Variants in TTC22 observed in about 807,000 individuals in gnomAD.
TTC22 encodes tetratricopeptide repeat domain 22, also known as tetratricopeptide repeat protein 22.
TTC22 carries 42 observed loss-of-function variants against 48.2 expected under a neutral mutation model. The observed-to-expected ratio is 0.87, with a 90% confidence interval of 0.68 to 1.13. TTC22 has a LOEUF of 1.13. TTC22 is among the 50% of genes most tolerant of loss of function. The pLI, the probability that TTC22 is intolerant of heterozygous loss-of-function variation, is 0.00. For synonymous variants in TTC22, 345 were observed against 365.5 expected (o/e 0.94, Z 0.64); for missense variants, 784 against 807.0 (o/e 0.97, Z 0.34).
At chr1:54,794,449 A>AC (rs1432528734) in intron 1 of TTC22, among the ~76,000 whole-genome samples, 1 of 152,180 alleles carries the variant, frequency 6.6e-6, no homozygotes, top group Non-Finnish European at 1.5e-5. Flanking sequence ...ATCTTTCACT[A>AC]CCCCAATGAC....
At position 54,800,587 on chromosome 1, in the gene TTC22, G is replaced by C. The variant is rs746047509; in HGVS notation, c.567+10C>G. The C allele has an allele frequency of 1.7e-5, 25 of 1,494,914 alleles. No homozygotes were observed. In the South Asian group the frequency reaches 2.8e-4, roughly 16 times the overall value. 92.6% of individuals were successfully genotyped at this position (1,494,914 alleles called of 1,614,324 possible). A position where few individuals can be genotyped will look rare whatever the true frequency, so the allele number is the denominator to read the frequency against. On this transcript the variant is annotated intron_variant, in intron 1 of 6. Coordinates refer to ENST00000371276, the MANE Select transcript of TTC22 (RefSeq NM_001114108.2). ...TCCCAGAGGGAGGTAGGGAGACAGGGGTCACCTACCTGCTGCCCGTAGCCT... is the reference window on the plus strand; with the variant it reads ...TCCCAGAGGGAGGTAGGGAGACAGGCGTCACCTACCTGCTGCCCGTAGCCT...
chr1:54,795,608 C>T (rs899251831), intron 1 of TTC22, among the ~76,000 whole-genome samples: 1 of 152,212 alleles, frequency 6.6e-6, no homozygotes, highest in Non-Finnish European at 1.5e-5. Flanking sequence ...CTCTTACCCT[C>T]TGCAGTAACA....
intron 1 of TTC22, among the ~76,000 whole-genome samples, chr1:54,790,518 TC>T (rs1646341594): frequency 6.6e-6 from 1 of 152,166 alleles, no homozygotes; most frequent in African/African-American, 2.4e-5. Context: ...AATAGGACTG[TC>T]TGGAGGGGAG....
At chr1:54,783,813 A>G (rs1646280673) in intron 5 of TTC22, among the ~76,000 whole-genome samples, 1 of 152,194 alleles carries the variant, frequency 6.6e-6, no homozygotes, top group Non-Finnish European at 1.5e-5. Flanking sequence ...CAACATAGGC[A>G]GAACCCTGTA....
Position 54,800,746 on chromosome 1 carries a change from C to A in TTC22, c.418G>T (p.Gly140Trp), listed in dbSNP as rs1275085183. Residue 140 changes from glycine (G) to tryptophan (W), a missense_variant, in exon 1 of 7, where the codon GGG (glycine) becomes TGG (tryptophan). By Grantham distance (184) the Gly-to-Trp change is radical (BLOSUM62 -2). Transcript: ENST00000371276. ...CGAGCGGCGCGGAGCTGGGGGTCCC[C>A]GGCGGCCTCGGGCTCCTCTGCCAGG... is the stretch of plus-strand genomic sequence containing the variant. ...MGLAEEPEAA[G>W]DPQLRAARCL... 19 of 1,545,416 alleles carry A rather than the reference C, an allele frequency of 1.2e-5. No individual in the cohort carries two copies. Among genetic ancestry groups the A allele is most frequent in the Non-Finnish European group, 8.7e-7 (1 of 1,149,466 alleles).
chr1:54,799,661 G>C (rs1646418367), intron 1 of TTC22, among the ~76,000 whole-genome samples: 1 of 152,166 alleles, frequency 6.6e-6, no homozygotes, highest in African/African-American at 2.4e-5. Context: ...CACAGGCTCA[G>C]GACTGAAACA....
At position 54,781,093 on chromosome 1, in the gene TTC22, C is replaced by T; in HGVS notation, c.*150G>A. 3.7e-6 allele frequency: 2 copies of T among 538,800 alleles called. No individual in the cohort carries two copies. Among genetic ancestry groups the T allele is most frequent in the Non-Finnish European group, 5.9e-6 (2 of 338,246 alleles). 33.4% of individuals were successfully genotyped at this position (538,800 alleles called of 1,614,324 possible). On this transcript the variant is annotated 3_prime_UTR_variant, in exon 7 of 7. Transcript: ENST00000371276. ...GGCGTTTCAAACCGCGCGGGTGTCG[C>T]AACATCCCCATTCACAATTCCCGAC...
Position 54,786,157 on chromosome 1 carries a change from G to A in TTC22, c.859-13C>T. On this transcript the variant is annotated splice_polypyrimidine_tract_variant and intron_variant, in intron 4 of 6. Coordinates refer to ENST00000371276, the MANE Select transcript of TTC22 (RefSeq NM_001114108.2). ...CAATCTCAATGGCCTAGGTAAGGGAGGAGTGCAAAAACAAACCACTTGCTT... is the reference window on the plus strand; with the variant it reads ...CAATCTCAATGGCCTAGGTAAGGGAAGAGTGCAAAAACAAACCACTTGCTT... The A allele has an allele frequency of 6.2e-7, 1 of 1,612,918 alleles. No individual in the cohort carries two copies. The highest frequency in any genetic ancestry group is 8.5e-7 in the Non-Finnish European group (1 of 1,179,318).
At chr1:54,785,825 A>C (rs1646295823) in intron 5 of TTC22, among the ~76,000 whole-genome samples, 158 bp downstream of exon 5, 1 of 152,160 alleles carries the variant, frequency 6.6e-6, no homozygotes, top group Non-Finnish European at 1.5e-5. Flanking sequence ...ACAAACAAAA[A>C]ACTTTATAGA....
chr1:54,796,199 C>T (rs937940145), intron 1 of TTC22, among the ~76,000 whole-genome samples: 1 of 152,258 alleles, frequency 6.6e-6, no homozygotes, highest in African/African-American at 2.4e-5. Context: ...TGCGCGTGCG[C>T]ACGTGTGGAC....
chr1:54,784,034 A>G lies in TTC22; in HGVS notation c.1021-1557T>C, dbSNP rs1010623645. On this transcript the variant is annotated intron_variant, in intron 5 of 6. Transcript: ENST00000371276. ...ATTTTAAAAATAAATTAATTAACAAATTAAATGTTGGCATGGCTTTGATAT... is the reference window on the plus strand; with the variant it reads ...ATTTTAAAAATAAATTAATTAACAAGTTAAATGTTGGCATGGCTTTGATAT... Among the ~76,000 whole-genome samples, 7 of 152,308 alleles carry G rather than the reference A, an allele frequency of 4.6e-5. No individual in the cohort carries two copies. In the East Asian group the frequency reaches 1.3e-3, roughly 29 times the overall value.
At chr1:54,789,275 G>C (rs914687805) in intron 1 of TTC22, among the ~76,000 whole-genome samples, 4 of 152,210 alleles carry the variant, frequency 2.6e-5, no homozygotes, top group Admixed American at 1.3e-4. Flanking sequence ...GGATGGGCAG[G>C]CCACTCCCAG....
Position 54,800,954 on chromosome 1 carries a change from G to T in TTC22, c.210C>A (p.His70Gln). 6.2e-7 allele frequency: 1 copy of T among 1,606,078 alleles called. No individual in the cohort carries two copies. ...AAAPQRPAVR[H>Q]LLGAFAFYLE... ...GGTAGAATGCGAAAGCGCCCAGGAGGTGACGCACAGCGGGGCGCTGCGGGG... is the reference window on the plus strand; with the variant it reads ...GGTAGAATGCGAAAGCGCCCAGGAGTTGACGCACAGCGGGGCGCTGCGGGG... The change falls in exon 1 of 7, where the codon CAC (histidine) becomes CAA (glutamine). Residue 70 changes from histidine (H) to glutamine (Q), a missense_variant. By Grantham distance (24) the His-to-Gln change is conservative (BLOSUM62 0). Coordinates refer to ENST00000371276, the MANE Select transcript of TTC22 (RefSeq NM_001114108.2).
intron 1 of TTC22, among the ~76,000 whole-genome samples, chr1:54,792,561 G>A (rs1032465631): frequency 6.6e-6 from 1 of 152,138 alleles, no homozygotes; most frequent in Non-Finnish European, 1.5e-5. Context: ...AGCCTCCCGA[G>A]TAGCTGGGAT....
rs1379362209 is a variant in TTC22, at chr1:54,781,761, C to T, written c.1192G>A (p.Val398Met). 1.3e-6 allele frequency: 2 copies of T among 1,482,554 alleles called. No homozygotes were observed. Among genetic ancestry groups the T allele is most frequent in the Non-Finnish European group, 1.8e-6 (2 of 1,119,898 alleles). 91.8% of individuals were successfully genotyped at this position (1,482,554 alleles called of 1,614,324 possible). A position where few individuals can be genotyped will look rare whatever the true frequency, so the allele number is the denominator to read the frequency against. Residue 398 changes from valine (V) to methionine (M), a missense_variant, in exon 7 of 7, where the codon GTG becomes ATG. Val to Met is a conservative substitution (Grantham distance 21). Transcript: ENST00000371276. ...GCCAGCAGCTCCTGCACCGCGTCCA[C>T]GCCCATATAGTAGTAGACCTGGGGT... Reference protein sequence around the residue: ...DIGQVYYYMGVDAVQELLAVD... With the variant: ...DIGQVYYYMGMDAVQELLAVD...
intron 5 of TTC22, among the ~76,000 whole-genome samples, chr1:54,782,968 C>T (rs1646274790): frequency 1.3e-5 from 2 of 152,096 alleles, no homozygotes; most frequent in African/African-American, 2.4e-5. Context: ...ATGGCAGCAC[C>T]GATTTTGTGA....
In TTC22 at chr1:54,781,363, C is replaced by A; in HGVS notation, c.1590G>T (p.Gly530=). 7.2e-7 allele frequency: 1 copy of A among 1,396,984 alleles called. No individual in the cohort carries two copies. Among genetic ancestry groups the A allele is most frequent in the Admixed American group, 3.7e-5 (1 of 26,840 alleles). 86.5% of individuals were successfully genotyped at this position (1,396,984 alleles called of 1,614,324 possible). The change falls in exon 7 of 7, where the codon GGG becomes GGT. Residue 530 remains glycine, a synonymous_variant. Coordinates refer to ENST00000371276, the MANE Select transcript of TTC22 (RefSeq NM_001114108.2). The part of the protein sequence containing the change: ...VWRGHTDEVL[G]LARALVAQGR... ...CCTGGGCCACCAGGGCCCGGGCCAG[C>A]CCCAACACCTCGTCCGTGTGCCCGC...
chr1:54,792,590 C>A (rs1303307428), intron 1 of TTC22, among the ~76,000 whole-genome samples: 1 of 152,160 alleles, frequency 6.6e-6, no homozygotes, highest in African/African-American at 2.4e-5. Flanking sequence ...TGTGCCACCA[C>A]ACGCAGCTAA....
rs1307388866 is a variant in TTC22 at position 54,780,596 on chromosome 1, CT to C, written c.*646del. The C allele has an allele frequency of 1.3e-5, 2 of 152,020 alleles. No homozygotes were observed. Among genetic ancestry groups the C allele is most frequent in the Non-Finnish European group, 2.9e-5 (2 of 68,036 alleles). 9.4% of individuals were successfully genotyped at this position (152,020 alleles called of 1,614,324 possible). On this transcript the variant is annotated 3_prime_UTR_variant, in exon 7 of 7. Transcript: ENST00000371276. Reference sequence around the variant, plus strand: ...CAAGTGAAGGTTCTATTGATGAGCTCTATTTCAGAGCATTTGGGAGGCCTTT... The same window carrying C: ...CAAGTGAAGGTTCTATTGATGAGCTCATTTCAGAGCATTTGGGAGGCCTTT...
Sources: allele counts gnomAD v4.1 joint callset (sites outside exome capture counted in the v4.1 genomes callset), GRCh38; gene constraint gnomAD v4.1.1; transcripts MANE v1.5; gene names NCBI Gene and HGNC (gene_info 2026-07-23, HGNC 2026-07-21).